TENM2: variants seen among roughly 807,000 people sequenced by gnomAD.
TENM2 encodes teneurin transmembrane protein 2.
TENM2 carries 52 observed loss-of-function variants against 245.2 expected under a neutral mutation model. The observed-to-expected ratio is 0.21, with a 90% CI of 0.17 to 0.27. The LOEUF is 0.27. Among genes scored for constraint, TENM2 ranks in the 10% least tolerant of loss-of-function variants. The pLI, the probability that TENM2 is intolerant of heterozygous loss-of-function variation, is 1.00. For missense variants in TENM2, 3,046 were observed against 3,666.8 expected, an observed-to-expected ratio of 0.83 and a Z score of 4.37; for synonymous variants, 1,363 against 1,438.9, an observed-to-expected ratio of 0.95 and a Z score of 1.19.
At chr5:167,320,721 G>A (rs757427978) in intron 1 of TENM2, among the ~76,000 whole-genome samples, 3 of 152,144 alleles carry the variant, frequency 2.0e-5, no homozygotes, top group Non-Finnish European at 4.4e-5. Context: ...ACAGCAAGAA[G>A]GCCCTCACCA....
chr5:167,507,206 T>A (rs1292982026), intron 2 of TENM2, among the ~76,000 whole-genome samples: 1 of 152,164 alleles, frequency 6.6e-6, no homozygotes, highest in Admixed American at 6.5e-5. Flanking sequence ...AAAGAAAAAA[T>A]TATTTTAAAT....
intron 1 of TENM2, among the ~76,000 whole-genome samples, chr5:167,302,774 G>T (rs1561847723): frequency 6.6e-6 from 1 of 152,040 alleles, no homozygotes; most frequent in Non-Finnish European, 1.5e-5. Flanking sequence ...TGGAGAGAAG[G>T]GGTTGTGGTT....
intron 5 of TENM2, among the ~76,000 whole-genome samples, chr5:167,993,639 C>T (rs976958209): frequency 1.3e-5 from 2 of 152,214 alleles, no homozygotes; most frequent in Non-Finnish European, 2.9e-5. Flanking sequence ...GCCAAAGTAG[C>T]TAGCTTATTT....
intron 3 of TENM2, among the ~76,000 whole-genome samples, chr5:167,903,126 A>G (rs1251136706): frequency 6.6e-6 from 1 of 152,224 alleles, no homozygotes; most frequent in Admixed American, 6.5e-5. Context: ...TAACATTTCA[A>G]AAACAACTAG....
At chr5:167,698,679 G>GTTTTTTTTTTTTTT (rs1225922111) in intron 2 of TENM2, among the ~76,000 whole-genome samples, 39 of 97,730 alleles carry the variant, frequency 4.0e-4, no homozygotes, top group Admixed American at 5.5e-4. Flanking sequence ...TTTGTTTTTT[G>GTTTTTTTTTTTTTT]TTTTTTTTTT....
At chr5:167,369,084 T>C (rs1760245200) in intron 1 of TENM2, among the ~76,000 whole-genome samples, 1 of 152,044 alleles carries the variant, frequency 6.6e-6, no homozygotes, top group Non-Finnish European at 1.5e-5. Flanking sequence ...GGGCTTGTTT[T>C]GTCTGCTGCC....
intron 4 of TENM2, among the ~76,000 whole-genome samples, chr5:167,959,693 T>C (rs1780850549): frequency 6.6e-6 from 1 of 152,236 alleles, no homozygotes; most frequent in African/African-American, 2.4e-5. Flanking sequence ...TTCTGAAACC[T>C]ACTTTTGTCA....
intron 2 of TENM2, among the ~76,000 whole-genome samples, chr5:167,791,329 G>A (rs1385524023): frequency 9.3e-5 from 13 of 140,320 alleles, no homozygotes; most frequent in East Asian, 4.5e-4. Flanking sequence ...AATGTAATAC[G>A]GGTACACATT....
At chr5:167,469,067 A>C (rs1053513236) in intron 2 of TENM2, among the ~76,000 whole-genome samples, 2 of 152,140 alleles carry the variant, frequency 1.3e-5, no homozygotes, top group African/African-American at 4.8e-5. Flanking sequence ...AGAAACTTTA[A>C]ATGCTATCTT....
chr5:167,165,557 A>G, the TENM2 span, among the ~76,000 whole-genome samples: 1 of 152,150 alleles, frequency 6.6e-6, no homozygotes, highest in Non-Finnish European at 1.5e-5. Flanking sequence ...CACAAGATCT[A>G]GACACCAAAT....
intron 9 of TENM2, among the ~76,000 whole-genome samples, chr5:168,115,429 A>AAAG (rs879591320): frequency 0.034 from 4,915 of 142,856 alleles, 226 homozygotes; most frequent in Middle Eastern, 0.052. Flanking sequence ...GGAAGGAAAG[A>AAAG]AAAAAAAAGA....
the TENM2 span, among the ~76,000 whole-genome samples, chr5:167,084,327 T>TTATTTATATATATATATGTA: frequency 4.3e-5 from 1 of 23,170 alleles, no homozygotes; most frequent in African/African-American, 9.0e-5. Context: ...GCCATTTTAG[T>TTATTTATATATATATATGTA]TATATATATA....
At chr5:167,790,593 A>G (rs868257036) in intron 2 of TENM2, among the ~76,000 whole-genome samples, 2 of 152,292 alleles carry the variant, frequency 1.3e-5, no homozygotes, top group Middle Eastern at 3.4e-3. Flanking sequence ...AGATTATAAA[A>G]CAGGGAACTG....
intron 7 of TENM2, among the ~76,000 whole-genome samples, chr5:168,084,084 A>G (rs1244201795): frequency 6.6e-6 from 1 of 152,172 alleles, no homozygotes; most frequent in Non-Finnish European, 1.5e-5. Flanking sequence ...CATATTGCTG[A>G]AAAAAATATG....
Position 167,635,633 on chromosome 5 carries a change from C to CTTTTTTTTTTTTTTTT in TENM2, c.503-240339_503-240324dup, listed in dbSNP as rs76155764. On this transcript the variant is annotated intron_variant, in intron 2 of 28. Transcript: ENST00000518659. ...GGAATCTGGCTATGATCAGTACAGTCTTTTTTTTTTTTTTTTTTTTTTTTT... is the reference window on the plus strand; with the variant it reads ...GGAATCTGGCTATGATCAGTACAGTCTTTTTTTTTTTTTTTTTTTTTTTTTTTTTTTTTTTTTTTTT... Among the ~76,000 whole-genome samples the CTTTTTTTTTTTTTTTT allele has an allele frequency of 1.1e-3, 81 of 74,936 alleles. 15 individuals are homozygous for CTTTTTTTTTTTTTTTT. The highest frequency in any genetic ancestry group is 7.6e-3 in the East Asian group (13 of 1,710). The allele number at this position is 74,936 out of a possible 152,430, so 49.2% of individuals were successfully genotyped here. A position where few individuals can be genotyped will look rare whatever the true frequency, so the allele number is the denominator to read the frequency against.
At chr5:167,281,216 C>T (rs1771044349), upstream of TENM2, among the ~76,000 whole-genome samples, 1 of 150,882 alleles carries the variant, frequency 6.6e-6, no homozygotes, top group Non-Finnish European at 1.5e-5. Context: ...TCAAGCAATT[C>T]TCTTCCTCAG....
At chr5:167,411,454 C>T (rs1271261453) in intron 2 of TENM2, among the ~76,000 whole-genome samples, 2 of 151,660 alleles carry the variant, frequency 1.3e-5, no homozygotes, top group Non-Finnish European at 2.9e-5. Context: ...AAAGAGATGG[C>T]GTATCATTGT....
chr5:167,423,833 A>G (rs1401360653), intron 2 of TENM2, among the ~76,000 whole-genome samples: 2 of 152,158 alleles, frequency 1.3e-5, no homozygotes, highest in African/African-American at 4.8e-5. Flanking sequence ...ATGGGTAGCT[A>G]TTCTATGATT....
chr5:168,005,266 A>T (rs1006590479), intron 5 of TENM2, among the ~76,000 whole-genome samples: 11 of 152,202 alleles, frequency 7.2e-5, no homozygotes, highest in Non-Finnish European at 1.5e-4. Flanking sequence ...GAAGAAAAAG[A>T]GCTGTCTGTC....
Sources: allele counts gnomAD v4.1 joint callset (sites outside exome capture counted in the v4.1 genomes callset), GRCh38; gene constraint gnomAD v4.1.1; transcripts MANE v1.5; gene names NCBI Gene and HGNC (gene_info 2026-07-23, HGNC 2026-07-21).